The following TPD52 variants were observed in gnomAD, a reference collection of about 807,000 sequenced individuals.
The protein encoded by TPD52 is prostate and colon associated protein.
In TPD52, 17 loss-of-function variants were observed where a neutral mutation model predicts 31.3. The ratio of observed to expected loss-of-function variants is 0.54; its 90% CI spans 0.37 to 0.82. The LOEUF is 0.82. Among genes scored for constraint, TPD52 ranks in the 40% least tolerant of loss-of-function variants. The pLI, the probability that TPD52 is intolerant of heterozygous loss-of-function variation, is 0.00. For missense variants in TPD52, 212 were observed against 240.1 expected (o/e 0.88, Z 0.77); for synonymous variants, 83 against 89.6 (o/e 0.93, Z 0.42).
chr8:80,034,053 C>A (rs937758452), downstream of TPD52, among the ~76,000 whole-genome samples: 1 of 152,246 alleles, frequency 6.6e-6, no homozygotes, highest in South Asian at 2.1e-4. Context: ...AGGCTGTCCA[C>A]ACCAAGCTAC....
intron 1 of TPD52, among the ~76,000 whole-genome samples, chr8:80,079,478 A>C (rs1242343264): frequency 6.6e-6 from 1 of 152,226 alleles, no homozygotes; most frequent in Non-Finnish European, 1.5e-5. Flanking sequence ...ACTAAGTTTC[A>C]TGCTGTCACC....
At chr8:80,097,103 C>G (rs1806393582) in intron 1 of TPD52, among the ~76,000 whole-genome samples, 1 of 150,502 alleles carries the variant, frequency 6.6e-6, no homozygotes, top group Admixed American at 6.6e-5. Flanking sequence ...CTGATATGGA[C>G]AAAGTTTGAA....
chr8:80,079,733 G>A (rs780999782), intron 1 of TPD52, among the ~76,000 whole-genome samples: 2 of 152,074 alleles, frequency 1.3e-5, no homozygotes, highest in Admixed American at 6.5e-5. Context: ...GGGCCTCCCT[G>A]ATGGTGCTCC....
Position 80,050,488 on chromosome 8 carries a change from TA to T in TPD52, c.387-18del. 2 of 1,598,770 alleles carry T rather than the reference TA, an allele frequency of 1.3e-6. No individual in the cohort carries two copies. The highest frequency in any genetic ancestry group is 1.7e-6 in the Non-Finnish European group (2 of 1,173,102). On this transcript the variant is annotated intron_variant, in intron 4 of 7. Coordinates refer to ENST00000518937, the MANE Select transcript of TPD52 (RefSeq NM_001025253.3). ...GCTTGCAATCTGTAAGAAGCCAGAGTAAGCATTAAAAAAGAAAGAAGTTCTG... is the reference window on the plus strand; with the variant it reads ...GCTTGCAATCTGTAAGAAGCCAGAGTAGCATTAAAAAAGAAAGAAGTTCTG...
chr8:80,051,748 T>C (rs1811411818), intron 3 of TPD52, 120 bp from the exon 4 acceptor site: 17 of 756,246 alleles, frequency 2.2e-5, no homozygotes, highest in Middle Eastern at 2.6e-4. Flanking sequence ...GAAAACATTT[T>C]TCAGAACTTC....
downstream of TPD52, among the ~76,000 whole-genome samples, chr8:80,033,991 C>T (rs569903285): frequency 1.4e-4 from 22 of 152,240 alleles, no homozygotes; most frequent in South Asian, 4.4e-3. Context: ...CCCACCCCTT[C>T]CCTCCTAGGA....
chr8:80,054,217 GAA>G (rs1234280220), intron 2 of TPD52, among the ~76,000 whole-genome samples: 2 of 152,144 alleles, frequency 1.3e-5, no homozygotes, highest in African/African-American at 4.8e-5. Context: ...AGTAGAAGCT[GAA>G]AAAACTTGAA....
At chr8:80,124,474 G>A (rs1808466805) in intron 1 of TPD52, among the ~76,000 whole-genome samples, 1 of 152,064 alleles carries the variant, frequency 6.6e-6, no homozygotes, top group Non-Finnish European at 1.5e-5. Context: ...TGCCCAGCCT[G>A]GCAAGTTTCA....
intron 1 of TPD52, among the ~76,000 whole-genome samples, chr8:80,148,136 C>T (rs13248523): frequency 0.2 from 29,838 of 146,482 alleles, 4,199 homozygotes; most frequent in East Asian, 0.71. Flanking sequence ...TTTATTAAAA[C>T]TTACAAATTT....
At chr8:80,136,879 T>C (rs2131117811) in intron 1 of TPD52, among the ~76,000 whole-genome samples, 1 of 152,328 alleles carries the variant, frequency 6.6e-6, no homozygotes, top group South Asian at 2.1e-4. Context: ...CTCAGGCAGT[T>C]TCTATTCAAA....
chr8:80,165,547 T>C (rs557617187), intron 1 of TPD52, among the ~76,000 whole-genome samples: 22 of 152,334 alleles, frequency 1.4e-4, no homozygotes, highest in African/African-American at 5.1e-4. Flanking sequence ...CCTCTCTTTT[T>C]CCTGAAAGCA....
intron 5 of TPD52, among the ~76,000 whole-genome samples, chr8:80,046,104 C>T (rs1362280773): frequency 6.6e-6 from 1 of 152,068 alleles, no homozygotes; most frequent in Non-Finnish European, 1.5e-5. Context: ...GGGCTCTATA[C>T]CACTTTACCT....
chr8:80,141,241 C>G (rs900565991), intron 1 of TPD52, among the ~76,000 whole-genome samples: 5 of 152,182 alleles, frequency 3.3e-5, no homozygotes, highest in Non-Finnish European at 7.3e-5. Context: ...ACGCCCTGTA[C>G]CTTTCCTTAC....
intron 1 of TPD52, among the ~76,000 whole-genome samples, chr8:80,139,924 G>A (rs971495991): frequency 1.3e-5 from 2 of 152,154 alleles, no homozygotes; most frequent in African/African-American, 4.8e-5. Flanking sequence ...CTGATTATCT[G>A]GCAGAAGTGA....
At chr8:80,127,837 C>G (rs755761247) in intron 1 of TPD52, among the ~76,000 whole-genome samples, 1,147 of 43,898 alleles carry the variant, frequency 0.026, 14 homozygotes, top group Non-Finnish European at 0.041. Flanking sequence ...CACACACACA[C>G]AGAGATACAT....
Position 80,171,512 on chromosome 8 carries a change from C to G in TPD52, c.-69G>C. 1 of 1,497,896 alleles carries G rather than the reference C, an allele frequency of 6.7e-7. No individual in the cohort carries two copies. 92.8% of individuals were successfully genotyped at this position (1,497,896 alleles called of 1,614,324 possible). A position where few individuals can be genotyped will look rare whatever the true frequency, so the allele number is the denominator to read the frequency against. On this transcript the variant is annotated 5_prime_UTR_variant, in exon 1 of 8. Transcript: ENST00000518937. ...GCAGCCCGTCCCGGCTCGGATCGCC[C>G]GCCGCGCCGCGCAGAGCTCCTCCTC... is the stretch of plus-strand genomic sequence containing the variant.
chr8:80,045,162 G>T (rs370541892), intron 5 of TPD52, among the ~76,000 whole-genome samples: 7 of 152,166 alleles, frequency 4.6e-5, no homozygotes, highest in Non-Finnish European at 1.0e-4. Flanking sequence ...TACAATGGTG[G>T]TCAATACCTA....
Position 80,072,794 on chromosome 8 carries a change from C to CATATAT in TPD52, c.20-8202_20-8201insATATAT, listed in dbSNP as rs202061225. Among the ~76,000 whole-genome samples, 100 of 141,974 alleles carry CATATAT rather than the reference C, an allele frequency of 7.0e-4. 2 individuals carry two copies. Among genetic ancestry groups the CATATAT allele is most frequent in the African/African-American group, 3.0e-3 (97 of 32,856 alleles). The allele number at this position is 141,974 out of a possible 152,430, so 93.1% of individuals were successfully genotyped here. ...ACATATATATACACATACACACACA[C>CATATAT]ACACATATATATATATATATAAACT... On this transcript the variant is annotated intron_variant, in intron 1 of 7. Coordinates refer to ENST00000518937, the MANE Select transcript of TPD52 (RefSeq NM_001025253.3).
At chr8:80,092,997 TA>T (rs1816406649) in intron 1 of TPD52, among the ~76,000 whole-genome samples, 1 of 152,062 alleles carries the variant, frequency 6.6e-6, no homozygotes, top group Non-Finnish European at 1.5e-5. Context: ...TTGTCTCAAT[TA>T]AAAAATATAA....
Sources: gnomAD v4.1 joint callset for allele counts (sites outside exome capture counted in the v4.1 genomes callset) on GRCh38, gnomAD v4.1.1 for gene constraint, MANE v1.5 for transcripts, NCBI Gene and HGNC (gene_info 2026-07-23, HGNC 2026-07-21) for gene names.